The following RMDN2 variants were observed in gnomAD, a reference collection of about 807,000 sequenced individuals.
RMDN2 encodes the protein regulator of microtubule dynamics protein 2.
Under a neutral mutation model 52.8 loss-of-function variants are expected in RMDN2, and 61 were observed. That is an observed-to-expected ratio of 1.16 (90% CI 0.94 to 1.43). RMDN2 has a LOEUF of 1.43. RMDN2 is among the 40% of genes most tolerant of loss of function. The pLI is 0.00. For missense variants in RMDN2, 592 were observed against 475.3 expected, an observed-to-expected ratio of 1.25 and a Z score of -2.28; for synonymous variants, 180 against 153.1, an observed-to-expected ratio of 1.18 and a Z score of -1.30.
chr2:38,007,481 G>A (rs1677278967), intron 10 of RMDN2, among the ~76,000 whole-genome samples: 1 of 152,228 alleles, frequency 6.6e-6, no homozygotes, highest in Non-Finnish European at 1.5e-5. Flanking sequence ...AGATTTTCTA[G>A]TTTATTTGCG....
intron 7 of RMDN2, among the ~76,000 whole-genome samples, chr2:37,993,814 C>T (rs10202152): frequency 0.58 from 88,327 of 151,162 alleles, 27,357 homozygotes; most frequent in East Asian, 0.89. Context: ...CACAAGCTTA[C>T]AGCAGTGAAA....
chr2:38,064,200 G>T (rs1353813685), intron 10 of RMDN2, among the ~76,000 whole-genome samples: 3 of 152,136 alleles, frequency 2.0e-5, no homozygotes, highest in African/African-American at 7.2e-5. Context: ...TAAGCAAAGA[G>T]AAGAAACTGA....
At chr2:37,935,679 CAT>C (rs1205845997) in intron 2 of RMDN2, among the ~76,000 whole-genome samples, 1 of 152,182 alleles carries the variant, frequency 6.6e-6, no homozygotes, top group Non-Finnish European at 1.5e-5. Context: ...ATAAACAAGA[CAT>C]AAATGGTCTT....
At chr2:37,988,559 C>G (rs1674346541) in intron 5 of RMDN2, among the ~76,000 whole-genome samples, 1 of 152,168 alleles carries the variant, frequency 6.6e-6, no homozygotes, top group South Asian at 2.1e-4. Flanking sequence ...AATGGTCTTA[C>G]TGTTCCAAAT....
At chr2:38,009,443 G>T (rs567062774) in intron 10 of RMDN2, among the ~76,000 whole-genome samples, 1 of 151,938 alleles carries the variant, frequency 6.6e-6, no homozygotes, top group African/African-American at 2.4e-5. Context: ...TTCTCCTCTC[G>T]CTTCATTTCA....
intron 10 of RMDN2, among the ~76,000 whole-genome samples, chr2:38,025,664 G>C (rs77248923): frequency 0.021 from 3,221 of 151,626 alleles, 101 homozygotes; most frequent in African/African-American, 0.066. Context: ...ATTTTGCTGA[G>C]TTTTTTTTAT....
At chr2:37,926,935 A>G (rs887517244) in intron 1 of RMDN2, among the ~76,000 whole-genome samples, 2 of 152,150 alleles carry the variant, frequency 1.3e-5, no homozygotes, top group Admixed American at 1.3e-4. Flanking sequence ...GACTCTAAAA[A>G]AAAAAAGCTA....
chr2:38,006,338 T>C (rs1287153258), intron 10 of RMDN2, among the ~76,000 whole-genome samples: 1 of 152,258 alleles, frequency 6.6e-6, no homozygotes. Flanking sequence ...CCCATGAGCA[T>C]GGAATGTTCT....
chr2:37,931,752 T>A (rs1572678494), intron 2 of RMDN2, among the ~76,000 whole-genome samples: 1 of 152,228 alleles, frequency 6.6e-6, no homozygotes. Flanking sequence ...CAAGAAGGAT[T>A]TGTGAAATTT....
At chr2:37,959,590 A>C (rs138338218) in intron 2 of RMDN2, among the ~76,000 whole-genome samples, 2,692 of 150,722 alleles carry the variant, frequency 0.018, 265 homozygotes, top group African/African-American at 0.064. Context: ...TGATCTTTTC[A>C]AAAAACCAGC....
At chr2:37,977,861 C>A (rs2125085881) in intron 4 of RMDN2, among the ~76,000 whole-genome samples, 1 of 151,604 alleles carries the variant, frequency 6.6e-6, no homozygotes. Context: ...AGAGGGGCTC[C>A]TCACATCCCG....
chr2:38,044,179 G>A (rs993995668), intron 10 of RMDN2, among the ~76,000 whole-genome samples: 1 of 151,788 alleles, frequency 6.6e-6, no homozygotes, highest in African/African-American at 2.4e-5. Flanking sequence ...TTCTAAATTT[G>A]TAGTTTTTCT....
intron 7 of RMDN2, 30 bp downstream of exon 7, chr2:37,991,327 TA>T (rs11356296): frequency 0.084 from 94,135 of 1,117,836 alleles, 5,122 homozygotes; most frequent in African/African-American, 0.25. Context: ...TTATAAACTT[TA>T]TTTGAATATA....
chr2:38,019,540 C>T (rs747075131), downstream of RMDN2, among the ~76,000 whole-genome samples: 7 of 152,190 alleles, frequency 4.6e-5, no homozygotes, highest in Non-Finnish European at 8.8e-5. Flanking sequence ...TTGGCCTTTT[C>T]TCCAAATGGG....
chr2:38,056,005 C>A (rs1285814032), intron 10 of RMDN2, among the ~76,000 whole-genome samples: 1 of 152,228 alleles, frequency 6.6e-6, no homozygotes, highest in Non-Finnish European at 1.5e-5. Context: ...CTGACACACA[C>A]ACAAATACAC....
intron 10 of RMDN2, among the ~76,000 whole-genome samples, chr2:38,043,003 T>A (rs1681061099): frequency 6.6e-6 from 1 of 152,236 alleles, no homozygotes; most frequent in Admixed American, 6.5e-5. Flanking sequence ...ATATCATTTA[T>A]ATCAAGATGA....
chr2:38,042,470 T>C (rs893857556), intron 10 of RMDN2, among the ~76,000 whole-genome samples: 2 of 150,502 alleles, frequency 1.3e-5, no homozygotes, highest in Non-Finnish European at 3.0e-5. Context: ...CATCAGGTTT[T>C]GGTTTAATTC....
At chr2:37,999,284 A>T (rs916698422) in intron 8 of RMDN2, among the ~76,000 whole-genome samples, 8 of 151,678 alleles carry the variant, frequency 5.3e-5, no homozygotes, top group African/African-American at 2.0e-4. Flanking sequence ...CCTCTCTCTC[A>T]GTTTCATCAA....
At chr2:37,932,936 G>A (rs1453131761) in intron 2 of RMDN2, among the ~76,000 whole-genome samples, 31 of 150,900 alleles carry the variant, frequency 2.1e-4, no homozygotes, top group South Asian at 1.9e-3. Context: ...CCTCCCTCCC[G>A]GACGAGGTGG....
Sources: allele counts gnomAD v4.1 joint callset (sites outside exome capture counted in the v4.1 genomes callset), GRCh38; gene constraint gnomAD v4.1.1; transcripts MANE v1.5; gene names NCBI Gene and HGNC (gene_info 2026-07-23, HGNC 2026-07-21).